Variants in ADAM23 observed in about 807,000 individuals in gnomAD.
The protein encoded by ADAM23 is disintegrin and metalloproteinase domain-containing protein 23.
A neutral mutation model predicts 120.1 loss-of-function variants in ADAM23; 33 were observed. That is an observed-to-expected ratio of 0.27 (90% CI 0.21 to 0.37). ADAM23 has a LOEUF of 0.37. Ranked by LOEUF, ADAM23 falls within the 10% of genes least tolerant of loss-of-function variation. ADAM23 has a pLI of 1.00. For missense variants in ADAM23, 862 were observed against 1,058.2 expected (o/e 0.81, Z 2.57); for synonymous variants, 367 against 375.2 (o/e 0.98, Z 0.25).
chr2:206,548,483 A>G (rs1255730363), intron 8 of ADAM23, 129 bp downstream of exon 8: 7 of 820,674 alleles, frequency 8.5e-6, no homozygotes, highest in Non-Finnish European at 1.3e-5. Flanking sequence ...AATGAAAACA[A>G]TAAACAAAAA....
rs1399786089 is a variant in ADAM23 at position 206,530,871 on chromosome 2, T to C, written c.510-14T>C. The C allele has an allele frequency of 3.7e-6, 6 of 1,611,604 alleles. No homozygotes were observed. The highest frequency in any genetic ancestry group is 5.1e-6 in the Non-Finnish European group (6 of 1,178,412). ...CTTAGATGCAGAAATCACTCTATTT[T>C]CTTTCCTTTGTAGTGGTTTGTTGTC... is the stretch of plus-strand genomic sequence containing the variant. On this transcript the variant is annotated splice_polypyrimidine_tract_variant and intron_variant, in intron 3 of 25. Coordinates refer to ENST00000264377, the MANE Select transcript of ADAM23 (RefSeq NM_003812.4).
intron 24 of ADAM23, chr2:206,607,946 T>C (rs2105863021): frequency 2.8e-6 from 1 of 363,540 alleles, no homozygotes; most frequent in East Asian, 8.3e-5. Flanking sequence ...TATGTGTTGA[T>C]TCTAATCCTA....
chr2:206,543,783 T>C (rs1479136310), intron 6 of ADAM23, among the ~76,000 whole-genome samples: 2 of 151,932 alleles, frequency 1.3e-5, no homozygotes, highest in African/African-American at 2.4e-5. Flanking sequence ...ACACGCACCA[T>C]GGAATACTAC....
intron 3 of ADAM23, among the ~76,000 whole-genome samples, chr2:206,486,340 CTTT>C (rs757421451): frequency 3.5e-5 from 5 of 141,196 alleles, no homozygotes; most frequent in Admixed American, 7.1e-5. Context: ...CTTGTCTTTC[CTTT>C]TTTTTTTTTA....
rs1285509486 is a variant in ADAM23, at chr2:206,530,962, C to T, written c.573+14C>T. The stretch of plus-strand genomic sequence containing the variant: ...CAGTACTCTAAGGTACGGTTACCGG[C>T]GTCGGCAAGTACTCTAGTATAAGTG... On this transcript the variant is annotated intron_variant, in intron 4 of 25. Coordinates refer to ENST00000264377, the MANE Select transcript of ADAM23 (RefSeq NM_003812.4). 6.2e-6 allele frequency: 10 copies of T among 1,610,748 alleles called. No homozygotes were observed. The African/African-American group carries it at 6.7e-5, about 11-fold the overall frequency.
chr2:206,515,497 C>A (rs556969946), intron 3 of ADAM23, among the ~76,000 whole-genome samples: 435 of 152,180 alleles, frequency 2.9e-3, no homozygotes, highest in South Asian at 0.011. Flanking sequence ...TAGAAAAAAA[C>A]AGTGTGGGGA....
chr2:206,616,282 G>A (rs868192272), intron 25 of ADAM23, among the ~76,000 whole-genome samples: 6 of 152,184 alleles, frequency 3.9e-5, no homozygotes, highest in South Asian at 4.1e-4. Flanking sequence ...AGCAGTGCCC[G>A]CTTTCAAGAA....
chr2:206,475,611 G>C (rs1325748473), intron 2 of ADAM23, among the ~76,000 whole-genome samples: 1 of 151,788 alleles, frequency 6.6e-6, no homozygotes, highest in Non-Finnish European at 1.5e-5. Context: ...CCACGCTGAT[G>C]AAAGTCTTCC....
At chr2:206,531,477 C>G (rs1002064825) in intron 4 of ADAM23, among the ~76,000 whole-genome samples, 1 of 152,090 alleles carries the variant, frequency 6.6e-6, no homozygotes, top group East Asian at 1.9e-4. Context: ...CTTAAGGCCA[C>G]GGGACATTGA....
intron 24 of ADAM23, among the ~76,000 whole-genome samples, chr2:206,598,854 C>T (rs1698580913): frequency 6.6e-6 from 1 of 151,950 alleles, no homozygotes; most frequent in South Asian, 2.1e-4. Context: ...GAGCCAAGAT[C>T]GTGCCACTGT....
intron 13 of ADAM23, among the ~76,000 whole-genome samples, chr2:206,563,027 T>C (rs1336869265): frequency 6.6e-6 from 1 of 152,216 alleles, no homozygotes; most frequent in Non-Finnish European, 1.5e-5. Flanking sequence ...AATGTTAATT[T>C]CTTTTAAAAT....
chr2:206,599,216 A>G (rs1698589514), intron 24 of ADAM23, among the ~76,000 whole-genome samples: 1 of 151,996 alleles, frequency 6.6e-6, no homozygotes, highest in South Asian at 2.1e-4. Flanking sequence ...AAAAAAAAAA[A>G]AAAAAGAGAT....
At chr2:206,534,945 C>T (rs533490328) in intron 4 of ADAM23, among the ~76,000 whole-genome samples, 4 of 151,718 alleles carry the variant, frequency 2.6e-5, no homozygotes, top group African/African-American at 9.7e-5. Flanking sequence ...GCAGCCAGTT[C>T]CTCCCTCCCT....
At chr2:206,492,299 G>C (rs1696151683) in intron 3 of ADAM23, among the ~76,000 whole-genome samples, 2 of 152,152 alleles carry the variant, frequency 1.3e-5, no homozygotes, top group South Asian at 4.1e-4. Flanking sequence ...AAGGGGGAGA[G>C]AGTGTGGAGG....
intron 3 of ADAM23, among the ~76,000 whole-genome samples, chr2:206,527,643 A>G (rs561913609): frequency 1.3e-5 from 2 of 152,340 alleles, no homozygotes; most frequent in East Asian, 3.9e-4. Flanking sequence ...CCAAGCCCCT[A>G]TAGCAGGTGT....
At chr2:206,517,638 T>G (rs2105787571) in intron 3 of ADAM23, among the ~76,000 whole-genome samples, 1 of 152,268 alleles carries the variant, frequency 6.6e-6, no homozygotes, top group Admixed American at 6.5e-5. Context: ...GAATTTTGAC[T>G]CTGCTAGACC....
chr2:206,490,150 A>G (rs1696101370), intron 3 of ADAM23, among the ~76,000 whole-genome samples: 1 of 152,198 alleles, frequency 6.6e-6, no homozygotes, highest in African/African-American at 2.4e-5. Flanking sequence ...GTGTTGGAGG[A>G]AAGACCATGT....
chr2:206,499,514 A>G (rs965498592), intron 3 of ADAM23, among the ~76,000 whole-genome samples: 10 of 149,014 alleles, frequency 6.7e-5, no homozygotes, highest in African/African-American at 2.0e-4. Context: ...GAGGGGGGAT[A>G]GCATTAGGAG....
rs1249554703 is a variant in ADAM23, at chr2:206,571,744, C to T, written c.1584C>T (p.Cys528=). Residue 528 remains cysteine, a synonymous_variant, in exon 17 of 26, where the codon TGC becomes TGT. Coordinates refer to ENST00000264377, the MANE Select transcript of ADAM23 (RefSeq NM_003812.4). ...TTCTCTAGGAATGCTATGGATTATG[C>T]TGTAAGAAATGTTCCCTCTCCAACG... ...CGFHVECYGL[C]CKKCSLSNGA... The T allele has an allele frequency of 5.0e-6, 8 of 1,614,044 alleles. No homozygotes were observed. The highest frequency in any genetic ancestry group is 6.8e-6 in the Non-Finnish European group (8 of 1,179,928).
Sources: gnomAD v4.1 joint callset for allele counts (sites outside exome capture counted in the v4.1 genomes callset) on GRCh38, gnomAD v4.1.1 for gene constraint, MANE v1.5 for transcripts, NCBI Gene and HGNC (gene_info 2026-07-23, HGNC 2026-07-21) for gene names.